Variants in GAPVD1 observed in about 807,000 individuals in gnomAD.
GAPVD1 encodes the protein GTPase-activating protein and VPS9 domain-containing protein 1.
In GAPVD1, 35 loss-of-function variants were observed where a neutral mutation model predicts 155.5. That is an observed-to-expected ratio of 0.23 (90% CI 0.17 to 0.30). The LOEUF (loss-of-function observed/expected upper bound fraction) is 0.30, where lower values mean the gene tolerates loss of function less well. Among genes scored for constraint, GAPVD1 ranks in the 10% least tolerant of loss-of-function variants. GAPVD1 has a pLI of 1.00. For missense variants in GAPVD1, 1,429 were observed against 1,775.7 expected (o/e 0.80, Z 3.51); for synonymous variants, 636 against 619.7 (o/e 1.03, Z -0.39).
chr9:125,361,321 C>T (rs538700119), intron 27 of GAPVD1, among the ~76,000 whole-genome samples: 7 of 152,102 alleles, frequency 4.6e-5, no homozygotes, highest in South Asian at 4.2e-4. Flanking sequence ...GGGTGGATCA[C>T]GAGGTCAGGA....
At chr9:125,342,321 C>G in intron 19 of GAPVD1, 22 bp downstream of exon 19, 1 of 1,291,440 alleles carries the variant, frequency 7.7e-7, no homozygotes, top group East Asian at 2.3e-5. Flanking sequence ...CATGGACTTC[C>G]TGGCTCCTTC....
At chr9:125,288,872 A>T (rs982720987) in intron 2 of GAPVD1, among the ~76,000 whole-genome samples, 1 of 152,212 alleles carries the variant, frequency 6.6e-6, no homozygotes, top group Non-Finnish European at 1.5e-5. Flanking sequence ...AAGGAGAAAA[A>T]ACAATGCAGG....
At chr9:125,271,938 A>T (rs996335625) in intron 2 of GAPVD1, among the ~76,000 whole-genome samples, 1 of 152,246 alleles carries the variant, frequency 6.6e-6, no homozygotes, top group African/African-American at 2.4e-5. Context: ...AAAATGCATT[A>T]GGTCTAAAAG....
chr9:125,268,508 T>C (rs1834355725), intron 1 of GAPVD1, among the ~76,000 whole-genome samples: 1 of 149,876 alleles, frequency 6.7e-6, no homozygotes, highest in Non-Finnish European at 1.5e-5. Context: ...TTTTTTTTTT[T>C]TTTTTTTTCG....
At chr9:125,349,558 CT>C in intron 21 of GAPVD1, 39 bp downstream of exon 21, 1 of 1,584,730 alleles carries the variant, frequency 6.3e-7, no homozygotes, top group South Asian at 1.1e-5. Context: ...AGGGTTTGGA[CT>C]TTTCAGCACC....
intron 1 of GAPVD1, among the ~76,000 whole-genome samples, chr9:125,264,278 T>C (rs1833462345): frequency 6.6e-6 from 1 of 152,180 alleles, no homozygotes; most frequent in Admixed American, 6.5e-5. Flanking sequence ...CACTGCGACC[T>C]CAGCTTCCTG....
In GAPVD1 at chr9:125,332,048, A is replaced by G. The variant is rs1394853027; in HGVS notation, c.2296A>G (p.Ser766Gly). Residue 766 changes from serine to glycine, a missense_variant, in exon 14 of 28, where the codon AGT becomes GGT. This residue lies in a region of GAPVD1 where 699 missense variants were observed against 826.0 expected (regional missense o/e 0.85). Transcript: ENST00000297933. The stretch of plus-strand genomic sequence containing the variant: ...TTCCCGCCCCAGCACACCAGGCCTC[A>G]GTGTTGTGTCCGGTATGTCTGTCTT... ...VSSRPSTPGL[S>G]VVSGISATSE... 1.9e-6 allele frequency: 3 copies of G among 1,614,006 alleles called. No homozygotes were observed. Among genetic ancestry groups the G allele is most frequent in the Non-Finnish European group, 2.5e-6 (3 of 1,180,000 alleles).
rs1844760071 is a variant in GAPVD1, at chr9:125,323,881, A to G, written c.1816A>G (p.Ser606Gly). ...AGAACTTGGAGCAGGACCTTCTGGC[A>G]GTAATGGAGTTGAAGCTCTACAGCT... The part of the protein sequence containing the change: ...VSELGAGPSG[S>G]NGVEALQLLE... Residue 606 changes from serine to glycine, a missense_variant, in exon 11 of 28, where the codon AGT becomes GGT. Ser to Gly is a moderately conservative substitution (Grantham distance 56). Around this residue, in one of 4 missense-constraint regions of GAPVD1, gnomAD observed 628 missense variants for 733.4 expected, o/e 0.86. Coordinates refer to ENST00000297933, the MANE Select transcript of GAPVD1 (RefSeq NM_001282680.3). The G allele has an allele frequency of 1.2e-6, 2 of 1,613,702 alleles. No homozygotes were observed. The highest frequency in any genetic ancestry group is 1.3e-5 in the African/African-American group (1 of 74,934).
At position 125,331,980 on chromosome 9, in the gene GAPVD1, G is replaced by C; in HGVS notation, c.2228G>C (p.Gly743Ala). ...ERLQELESCS[G>A]LGSTSDDTDV... ...CTGCAAGAACTGGAGAGCTGTTCTG[G>C]ACTGGGTAGCACATCTGATGATACG... is the stretch of plus-strand genomic sequence containing the variant. The change falls in exon 14 of 28, where the codon GGA becomes GCA. Residue 743 changes from glycine (G) to alanine (A), a missense_variant. Physicochemically the swap from Gly to Ala is moderately conservative, Grantham distance 60 (BLOSUM62 0). Coordinates refer to ENST00000297933, the MANE Select transcript of GAPVD1 (RefSeq NM_001282680.3). 6.2e-7 allele frequency: 1 copy of C among 1,613,986 alleles called. No homozygotes were observed. Among genetic ancestry groups the C allele is most frequent in the Non-Finnish European group, 8.5e-7 (1 of 1,179,888 alleles).
intron 19 of GAPVD1, among the ~76,000 whole-genome samples, chr9:125,344,601 A>G (rs1848262409): frequency 6.6e-6 from 1 of 152,212 alleles, no homozygotes; most frequent in Non-Finnish European, 1.5e-5. Flanking sequence ...GTGTTTGGCC[A>G]TAATGTATTG....
chr9:125,317,624 T>A lies in GAPVD1; in HGVS notation c.1603-3809T>A, dbSNP rs1373008257. On this transcript the variant is annotated intron_variant, in intron 9 of 27. Coordinates refer to ENST00000297933, the MANE Select transcript of GAPVD1 (RefSeq NM_001282680.3). ...AGGGCAACAAGAGCGAAACTCTGTC[T>A]CAAAAAAAAAAAAAAAAAGAAAAGA... is the stretch of plus-strand genomic sequence containing the variant. 3.0e-4 allele frequency among the ~76,000 whole-genome samples: 33 copies of A among 108,674 alleles called. No individual in the cohort carries two copies. The East Asian group carries it at 3.4e-3, about 11-fold the overall frequency. The allele number at this position is 108,674 out of a possible 152,430, so 71.3% of individuals were successfully genotyped here. A position where few individuals can be genotyped will look rare whatever the true frequency, so the allele number is the denominator to read the frequency against.
chr9:125,281,874 G>C (rs1836848471), intron 2 of GAPVD1, among the ~76,000 whole-genome samples: 1 of 151,646 alleles, frequency 6.6e-6, no homozygotes, highest in Non-Finnish European at 1.5e-5. Flanking sequence ...GAATACAGTG[G>C]TGGGATCTGG....
intron 3 of GAPVD1, among the ~76,000 whole-genome samples, chr9:125,296,368 T>TTGTTTTTTTTTTG (rs1156633399): frequency 1.4e-5 from 2 of 145,152 alleles, no homozygotes; most frequent in Non-Finnish European, 3.0e-5. Context: ...GTTTTTTTTT[T>TTGTTTTTTTTTTG]TTTTTGAGAT....
intron 9 of GAPVD1, 36 bp downstream of exon 9, chr9:125,312,648 G>A (rs774823744): frequency 1.3e-6 from 2 of 1,496,258 alleles, no homozygotes; most frequent in African/African-American, 1.4e-5. Context: ...CAATATTCAT[G>A]TCTTAGTCCA....
rs1234547581 is a variant in GAPVD1 at position 125,363,993 on chromosome 9, C to G, written c.*1247C>G. The G allele has an allele frequency of 1.3e-5, 2 of 152,548 alleles. No homozygotes were observed. The highest frequency in any genetic ancestry group is 4.8e-5 in the African/African-American group (2 of 41,440). The allele number at this position is 152,548 out of a possible 1,614,324, so 9.4% of individuals were successfully genotyped here. A position where few individuals can be genotyped will look rare whatever the true frequency, so the allele number is the denominator to read the frequency against. On this transcript the variant is annotated 3_prime_UTR_variant, in exon 28 of 28. Coordinates refer to ENST00000297933, the MANE Select transcript of GAPVD1 (RefSeq NM_001282680.3). ...TGGAGGCACACCAAAGCTTCAAGCACAAGTCTTGTACATGGGCCATCACTG... is the reference window on the plus strand; with the variant it reads ...TGGAGGCACACCAAAGCTTCAAGCAGAAGTCTTGTACATGGGCCATCACTG...
intron 11 of GAPVD1, 146 bp downstream of exon 11, chr9:125,324,069 C>G (rs1816151416): frequency 1.6e-6 from 1 of 644,164 alleles, no homozygotes; most frequent in Non-Finnish European, 2.6e-6. Context: ...TCCTTCAGTT[C>G]TTCAAAATCT....
At chr9:125,295,866 A>G (rs954291031) in intron 3 of GAPVD1, among the ~76,000 whole-genome samples, 1 of 152,128 alleles carries the variant, frequency 6.6e-6, no homozygotes, top group African/African-American at 2.4e-5. Flanking sequence ...TTTCAATTGT[A>G]ATTAGGTTGT....
At chr9:125,275,367 C>T (rs1835605740) in intron 2 of GAPVD1, among the ~76,000 whole-genome samples, 2 of 152,230 alleles carry the variant, frequency 1.3e-5, no homozygotes, top group South Asian at 2.1e-4. Flanking sequence ...TAAGCCACCA[C>T]ACCCAACCTA....
At chr9:125,280,161 C>T (rs895640963) in intron 2 of GAPVD1, among the ~76,000 whole-genome samples, 2 of 151,238 alleles carry the variant, frequency 1.3e-5, no homozygotes, top group African/African-American at 4.8e-5. Flanking sequence ...CTTTGGGACT[C>T]CAAGGCGGGT....
Sources: gnomAD v4.1 joint callset for allele counts (sites outside exome capture counted in the v4.1 genomes callset) on GRCh38, gnomAD v4.1.1 for gene constraint, gnomAD v4.1.1 regional missense constraint, MANE v1.5 for transcripts, NCBI Gene and HGNC (gene_info 2026-07-23, HGNC 2026-07-21) for gene names.